TYR: variants seen among roughly 807,000 people sequenced by gnomAD.
TYR encodes tyrosinase.
Under a neutral mutation model 51.5 loss-of-function variants are expected in TYR, and 58 were observed. The observed-to-expected ratio is 1.13, with a 90% CI of 0.91 to 1.40. The LOEUF (loss-of-function observed/expected upper bound fraction) is 1.40, where lower values mean the gene tolerates loss of function less well. TYR is among the 40% of genes most tolerant of loss of function. The pLI is 0.00. For missense variants in TYR, 732 were observed against 647.4 expected (o/e 1.13, Z -1.42); for synonymous variants, 263 against 235.2 (o/e 1.12, Z -1.08).
intron 3 of TYR, among the ~76,000 whole-genome samples, chr11:89,269,398 A>C (rs591260): frequency 0.6 from 91,571 of 151,764 alleles, 29,939 homozygotes; most frequent in African/African-American, 0.88. Flanking sequence ...AATGCAGTGT[A>C]TCTCAATCCT....
intron 3 of TYR, among the ~76,000 whole-genome samples, chr11:89,253,561 ATTTAT>A (rs1276376900): frequency 6.6e-6 from 1 of 151,444 alleles, no homozygotes; most frequent in African/African-American, 2.4e-5. Context: ...TTTCTAAGTA[ATTTAT>A]TTTATTTTAT....
chr11:89,232,782 G>A (rs1944067924), intron 3 of TYR, among the ~76,000 whole-genome samples: 1 of 142,428 alleles, frequency 7.0e-6, no homozygotes, highest in African/African-American at 2.8e-5. Flanking sequence ...ATCTCATTAT[G>A]CCTAAAAAGC....
chr11:89,229,377 G>A (rs1267228955), intron 3 of TYR, among the ~76,000 whole-genome samples: 1 of 152,000 alleles, frequency 6.6e-6, no homozygotes, highest in Non-Finnish European at 1.5e-5. Context: ...GGAATAAAAT[G>A]TTATCAGAAA....
intron 3 of TYR, among the ~76,000 whole-genome samples, chr11:89,254,305 C>G (rs562158048): frequency 1.3e-5 from 2 of 151,490 alleles, no homozygotes; most frequent in Non-Finnish European, 3.0e-5. Context: ...TTGTTATGTT[C>G]TTTTCCGGTT....
At chr11:89,226,841 C>A (rs892015156) in intron 2 of TYR, among the ~76,000 whole-genome samples, 8 of 152,010 alleles carry the variant, frequency 5.3e-5, no homozygotes, top group African/African-American at 1.9e-4. Context: ...ATATGCCCTT[C>A]GTCGTGTTCC....
intron 3 of TYR, among the ~76,000 whole-genome samples, chr11:89,235,757 G>C (rs1944102181): frequency 6.6e-6 from 1 of 152,002 alleles, no homozygotes; most frequent in Non-Finnish European, 1.5e-5. Flanking sequence ...AAGTTCTACT[G>C]GTCTTCTGCA....
chr11:89,207,590 A>G (rs1031280832), intron 2 of TYR, among the ~76,000 whole-genome samples: 3 of 152,220 alleles, frequency 2.0e-5, no homozygotes, highest in Non-Finnish European at 4.4e-5. Context: ...GTAGAAGGGA[A>G]CATTTCTGAG....
chr11:89,182,494 GACAAT>G (rs1442170884), intron 1 of TYR, among the ~76,000 whole-genome samples: 1 of 152,106 alleles, frequency 6.6e-6, no homozygotes, highest in Non-Finnish European at 1.5e-5. Context: ...TGCAAAGAAA[GACAAT>G]ACAAGAGAGA....
At chr11:89,201,227 GAA>G (rs60952897) in intron 2 of TYR, among the ~76,000 whole-genome samples, 27,677 of 151,078 alleles carry the variant, frequency 0.18, 3,409 homozygotes, top group African/African-American at 0.35. Flanking sequence ...TGGCAAAAAA[GAA>G]AAAAAATACC....
At chr11:89,183,190 C>G (rs1943324645) in intron 1 of TYR, among the ~76,000 whole-genome samples, 2 of 152,008 alleles carry the variant, frequency 1.3e-5, no homozygotes, top group African/African-American at 4.8e-5. Flanking sequence ...TTTAAGAGAA[C>G]AGTATTTAGG....
intron 3 of TYR, among the ~76,000 whole-genome samples, chr11:89,229,912 A>T (rs924153409): frequency 5.3e-5 from 8 of 152,122 alleles, no homozygotes; most frequent in African/African-American, 1.9e-4. Context: ...ATAAATAAAA[A>T]GATATCCTGT....
intron 1 of TYR, among the ~76,000 whole-genome samples, chr11:89,183,140 A>G (rs1943324123): frequency 6.6e-6 from 1 of 152,156 alleles, no homozygotes; most frequent in Admixed American, 6.6e-5. Flanking sequence ...TTGCTCCCAA[A>G]AGCTTTTAAT....
intron 2 of TYR, among the ~76,000 whole-genome samples, chr11:89,196,813 G>A (rs890839211): frequency 2.0e-5 from 3 of 152,080 alleles, no homozygotes; most frequent in African/African-American, 7.2e-5. Flanking sequence ...CCCCACAAGG[G>A]AAAACATGAA....
At chr11:89,269,810 A>G (rs1944568567) in intron 3 of TYR, among the ~76,000 whole-genome samples, 1 of 151,894 alleles carries the variant, frequency 6.6e-6, no homozygotes, top group African/African-American at 2.4e-5. Flanking sequence ...TTTCAGTGAA[A>G]ATTTCCAGAT....
chr11:89,244,984 G>A (rs1229696781), intron 3 of TYR, among the ~76,000 whole-genome samples: 1 of 152,186 alleles, frequency 6.6e-6, no homozygotes, highest in African/African-American at 2.4e-5. Context: ...CCAAAGAACG[G>A]GGACCACAGG....
At chr11:89,242,917 A>T (rs1249195437) in intron 3 of TYR, among the ~76,000 whole-genome samples, 1 of 152,186 alleles carries the variant, frequency 6.6e-6, no homozygotes, top group East Asian at 1.9e-4. Flanking sequence ...ACCTCGACTG[A>T]GATATGAGTC....
chr11:89,255,420 A>G (rs193083505), intron 3 of TYR, among the ~76,000 whole-genome samples: 1 of 151,720 alleles, frequency 6.6e-6, no homozygotes, highest in Non-Finnish European at 1.5e-5. Flanking sequence ...AAATAAATAA[A>G]ATAAAATAAA....
intron 3 of TYR, among the ~76,000 whole-genome samples, chr11:89,257,350 T>C (rs1944405602): frequency 6.6e-6 from 1 of 151,606 alleles, no homozygotes; most frequent in African/African-American, 2.4e-5. Flanking sequence ...ACTTAAGGTA[T>C]TTTTTTCAAA....
At chr11:89,181,652 G>T (rs1943300912) in intron 1 of TYR, among the ~76,000 whole-genome samples, 1 of 152,128 alleles carries the variant, frequency 6.6e-6, no homozygotes, top group Admixed American at 6.5e-5. Context: ...AGATTTGAGA[G>T]ATTTGATAGC....
Sources: gnomAD v4.1 joint callset for allele counts (sites outside exome capture counted in the v4.1 genomes callset) on GRCh38, gnomAD v4.1.1 for gene constraint, MANE v1.5 for transcripts, NCBI Gene and HGNC (gene_info 2026-07-23, HGNC 2026-07-21) for gene names.